AHCYL2: variants seen among roughly 807,000 people sequenced by gnomAD.
AHCYL2 encodes the protein adenosylhomocysteinase like 2, also known as S-adenosylhomocysteine hydrolase-like protein 2.
In AHCYL2, 28 loss-of-function variants were observed where a neutral mutation model predicts 81.4. That is an observed-to-expected ratio of 0.34 (90% CI 0.25 to 0.47). The LOEUF (loss-of-function observed/expected upper bound fraction) is 0.47. Ranked by LOEUF, AHCYL2 falls within the 20% of genes least tolerant of loss-of-function variation. The pLI is 1.00. For missense variants in AHCYL2, 551 were observed against 785.1 expected (o/e 0.70, Z 3.56); for synonymous variants, 272 against 290.2 (o/e 0.94, Z 0.64).
intron 1 of AHCYL2, among the ~76,000 whole-genome samples, chr7:129,257,954 A>G (rs1461472379): frequency 1.3e-5 from 2 of 152,260 alleles, no homozygotes. Flanking sequence ...CATTAAACAC[A>G]TTATAGTGAT....
At chr7:129,277,021 T>C (rs1796237060) in intron 1 of AHCYL2, among the ~76,000 whole-genome samples, 1 of 152,088 alleles carries the variant, frequency 6.6e-6, no homozygotes, top group Admixed American at 6.6e-5. Flanking sequence ...CTTACCAAAA[T>C]TGACTCAAGG....
intron 1 of AHCYL2, chr7:129,376,001 T>G (rs923069334): frequency 1.3e-6 from 2 of 1,505,570 alleles, no homozygotes; most frequent in Non-Finnish European, 1.8e-6. Context: ...GCTTATACTC[T>G]TTTTCCCCTC....
intron 1 of AHCYL2, among the ~76,000 whole-genome samples, chr7:129,254,223 A>T (rs768136653): frequency 2.0e-5 from 3 of 152,224 alleles, no homozygotes; most frequent in African/African-American, 7.2e-5. Flanking sequence ...AATGGTAGCT[A>T]TACTTTGATT....
chr7:129,350,384 C>CTT (rs566590118), intron 1 of AHCYL2, among the ~76,000 whole-genome samples: 7 of 140,056 alleles, frequency 5.0e-5, no homozygotes, highest in Non-Finnish European at 9.4e-5. Context: ...TAAATGTAGT[C>CTT]TTTTTTTTTT....
chr7:129,233,952 A>G (rs954406373), intron 1 of AHCYL2, among the ~76,000 whole-genome samples: 24 of 151,964 alleles, frequency 1.6e-4, no homozygotes, highest in Admixed American at 1.5e-3. Flanking sequence ...TTCTGTCAAG[A>G]CCAATCCCTT....
At chr7:129,343,290 T>C (rs1793250449) in intron 1 of AHCYL2, among the ~76,000 whole-genome samples, 2 of 152,136 alleles carry the variant, frequency 1.3e-5, no homozygotes, top group African/African-American at 4.8e-5. Context: ...CACTAGGATA[T>C]TGTTTGTTTT....
chr7:129,357,793 G>A (rs1439315957), intron 1 of AHCYL2, among the ~76,000 whole-genome samples: 1 of 151,736 alleles, frequency 6.6e-6, no homozygotes, highest in Admixed American at 6.6e-5. Context: ...AATTAGCTGG[G>A]CGTGGTGGCG....
intron 1 of AHCYL2, among the ~76,000 whole-genome samples, chr7:129,228,671 A>T (rs924581474): frequency 1.3e-5 from 2 of 152,226 alleles, no homozygotes; most frequent in Non-Finnish European, 2.9e-5. Context: ...AGGGAAAACA[A>T]GGCAGGAGAG....
At chr7:129,404,967 A>C in intron 7 of AHCYL2, 130 bp from the exon 8 acceptor site, 1 of 514,160 alleles carries the variant, frequency 1.9e-6, no homozygotes, top group African/African-American at 2.0e-5. Flanking sequence ...TGGCCACCTA[A>C]CAGGATGAAA....
chr7:129,236,500 C>G (rs921931456), intron 1 of AHCYL2, among the ~76,000 whole-genome samples: 1 of 151,884 alleles, frequency 6.6e-6, no homozygotes, highest in Non-Finnish European at 1.5e-5. Context: ...TGTACCTGGC[C>G]CAGCTAATTT....
chr7:129,290,292 A>G (rs1796792146), intron 1 of AHCYL2, among the ~76,000 whole-genome samples: 1 of 151,862 alleles, frequency 6.6e-6, no homozygotes, highest in Non-Finnish European at 1.5e-5. Flanking sequence ...TCACGAGGTC[A>G]GGAGATGAGA....
At chr7:129,282,765 C>T (rs1796490502) in intron 1 of AHCYL2, among the ~76,000 whole-genome samples, 1 of 151,470 alleles carries the variant, frequency 6.6e-6, no homozygotes, top group Non-Finnish European at 1.5e-5. Flanking sequence ...TGTTTAGGTA[C>T]TGGATTTTTT....
intron 1 of AHCYL2, among the ~76,000 whole-genome samples, chr7:129,304,132 G>A (rs1227643542): frequency 2.0e-5 from 3 of 152,080 alleles, no homozygotes; most frequent in African/African-American, 7.2e-5. Context: ...TATCCCATAG[G>A]TTTGGGTATG....
At chr7:129,273,789 C>T (rs2566883) in intron 1 of AHCYL2, among the ~76,000 whole-genome samples, 1,727 of 152,078 alleles carry the variant, frequency 0.011, 48 homozygotes, top group African/African-American at 0.038. Flanking sequence ...ATAAGACTTG[C>T]GATAGAAAAG....
In AHCYL2 at chr7:129,368,205, A is replaced by T; in HGVS notation, c.364-11433A>T. 4.0e-6 allele frequency: 5 copies of T among 1,251,360 alleles called. No individual in the cohort carries two copies. The highest frequency in any genetic ancestry group is 5.0e-6 in the Non-Finnish European group (5 of 992,756). 77.5% of individuals were successfully genotyped at this position (1,251,360 alleles called of 1,614,324 possible). ...GTGTTTGGGTAGCATTAAAACAGTG[A>T]GTGCCCTGTGAGAAGCACAGTGCCT... On this transcript the variant is annotated intron_variant, in intron 1 of 16. Transcript: ENST00000325006. The surrounding 1 kb of genome is among the most constrained non-coding windows in gnomAD (Gnocchi z 4.4).
chr7:129,333,308 C>CA (rs1181621904), intron 1 of AHCYL2, among the ~76,000 whole-genome samples: 8,856 of 66,128 alleles, frequency 0.13, 518 homozygotes, highest in African/African-American at 0.31. Context: ...CATCTCTACC[C>CA]AAAAAAAAAA....
intron 1 of AHCYL2, among the ~76,000 whole-genome samples, chr7:129,264,756 G>A (rs982192339): frequency 6.6e-6 from 1 of 152,150 alleles, no homozygotes; most frequent in Admixed American, 6.5e-5. Context: ...GGCCACCCAC[G>A]TGGATTGTTG....
In AHCYL2 at chr7:129,377,482, A is replaced by G. The variant is rs78896866; in HGVS notation, c.364-2156A>G. 1,133 of 454,474 alleles carry G rather than the reference A, an allele frequency of 2.5e-3. 4 individuals carry two copies. The highest frequency in any genetic ancestry group is 4.2e-3 in the Non-Finnish European group (938 of 225,822). 28.2% of individuals were successfully genotyped at this position (454,474 alleles called of 1,614,324 possible). A position where few individuals can be genotyped will look rare whatever the true frequency, so the allele number is the denominator to read the frequency against. On this transcript the variant is annotated intron_variant, in intron 1 of 16. Coordinates refer to ENST00000325006, the MANE Select transcript of AHCYL2 (RefSeq NM_015328.4). ...TAAAAGGCAATGTGAAGCTATTTCA[A>G]TTTGGCATTGGTCCCTTGTCGCAAT...
intron 1 of AHCYL2, among the ~76,000 whole-genome samples, chr7:129,358,171 A>G (rs1357062445): frequency 6.6e-6 from 1 of 152,012 alleles, no homozygotes; most frequent in Non-Finnish European, 1.5e-5. Context: ...AGGTGGGCGG[A>G]TCACGAGGTC....
Sources: gnomAD v4.1 joint callset for allele counts (sites outside exome capture counted in the v4.1 genomes callset) on GRCh38, gnomAD v4.1.1 for gene constraint, Gnocchi (gnomAD v3.1) non-coding constraint, MANE v1.5 for transcripts, NCBI Gene and HGNC (gene_info 2026-07-23, HGNC 2026-07-21) for gene names.